The following RARB variants were observed in gnomAD, a reference collection of about 807,000 sequenced individuals.
RARB encodes retinoic acid receptor beta.
RARB carries 17 observed loss-of-function variants against 51.9 expected under a neutral mutation model. The observed-to-expected ratio is 0.33, with a 90% CI of 0.22 to 0.49. The LOEUF (loss-of-function observed/expected upper bound fraction) is 0.49. RARB is among the 20% of genes least tolerant of loss of function. RARB has a pLI of 0.99. For synonymous variants in RARB, 215 were observed against 195.4 expected, an observed-to-expected ratio of 1.10 and a Z score of -0.84; for missense variants, 369 against 550.8, an observed-to-expected ratio of 0.67 and a Z score of 3.30.
chr3:25,076,469 C>A (rs1267106641), intron 3 of RARB, among the ~76,000 whole-genome samples: 1 of 152,196 alleles, frequency 6.6e-6, no homozygotes, highest in Non-Finnish European at 1.5e-5. Context: ...TACTAGAAAT[C>A]TGTGGCTATT....
At chr3:25,329,343 G>C in intron 5 of RARB, among the ~76,000 whole-genome samples, 1 of 152,020 alleles carries the variant, frequency 6.6e-6, no homozygotes, top group East Asian at 1.9e-4. Context: ...GGAAGGATAA[G>C]GCAGCAATAT....
chr3:25,053,117 G>A (rs998988135), intron 2 of RARB, among the ~76,000 whole-genome samples: 1 of 152,130 alleles, frequency 6.6e-6, no homozygotes, highest in Non-Finnish European at 1.5e-5. Flanking sequence ...GTAGGCTGAG[G>A]GGGAGAGATT....
chr3:25,445,501 C>A (rs975864194), intron 1 of RARB, among the ~76,000 whole-genome samples: 1 of 152,018 alleles, frequency 6.6e-6, no homozygotes, highest in Non-Finnish European at 1.5e-5. Flanking sequence ...CCTGTCTATA[C>A]TGAAAATACA....
intron 2 of RARB, among the ~76,000 whole-genome samples, chr3:25,500,451 C>CTTTTTTTTTTTTTTTTTTTTTTTT (rs1553624117): frequency 2.0e-5 from 1 of 49,936 alleles, no homozygotes; most frequent in Admixed American, 2.2e-4. Flanking sequence ...TCTTTCTTTT[C>CTTTTTTTTTTTTTTTTTTTTTTTT]TTGTTTTTTT....
chr3:25,127,189 T>C (rs964444375), intron 3 of RARB, among the ~76,000 whole-genome samples: 21 of 152,038 alleles, frequency 1.4e-4, no homozygotes, highest in African/African-American at 5.1e-4. Flanking sequence ...TCCAATAGCT[T>C]CTCGTTTTCA....
chr3:25,264,138 C>G (rs1703072004), intron 5 of RARB, among the ~76,000 whole-genome samples: 1 of 151,282 alleles, frequency 6.6e-6, no homozygotes, highest in South Asian at 2.1e-4. Context: ...AAGGTTGATT[C>G]TGTTTTATCA....
rs200802744 is a variant in RARB, at chr3:25,291,487, T to C, written c.178+116912T>C. 3.5e-3 allele frequency among the ~76,000 whole-genome samples: 531 copies of C among 151,518 alleles called. 4 individuals carry two copies. The highest frequency in any genetic ancestry group is 0.012 in the African/African-American group (502 of 41,352). On this transcript the variant is annotated intron_variant, in intron 5 of 11. Transcript: ENST00000383772. ...GAGCCAGATGTTTGCTTTTTTTTTT[T>C]TTTTTTTGAACACACACGGCTTGTT...
upstream of RARB, among the ~76,000 whole-genome samples, chr3:25,424,909 A>C (rs1413566536): frequency 1.3e-5 from 2 of 152,232 alleles, no homozygotes; most frequent in Non-Finnish European, 2.9e-5. Context: ...GTAGACCCTG[A>C]ACCCTGGCTA....
chr3:24,935,690 G>A (rs1335460827), intron 2 of RARB, among the ~76,000 whole-genome samples: 1 of 152,152 alleles, frequency 6.6e-6, no homozygotes, highest in Non-Finnish European at 1.5e-5. Flanking sequence ...GAAATCGGTG[G>A]AGTGTTTTCA....
At chr3:25,286,369 T>A (rs528325511) in intron 5 of RARB, among the ~76,000 whole-genome samples, 2 of 152,300 alleles carry the variant, frequency 1.3e-5, no homozygotes, top group South Asian at 4.1e-4. Context: ...ATTACAGGCG[T>A]GAGACACTGT....
Position 25,432,869 on chromosome 3 carries a change from T to C in RARB, c.157+3981T>C, listed in dbSNP as rs559511421. The stretch of plus-strand genomic sequence containing the variant: ...TTACTCTTTGGGCAGAAGATGGAGA[T>C]GTAAAAACCAAGATGCAAAATACAA... On this transcript the variant is annotated intron_variant, in intron 1 of 7. Transcript: ENST00000330688. Among the ~76,000 whole-genome samples the C allele has an allele frequency of 2.0e-5, 3 of 152,254 alleles. 1 individual carries two copies. In the South Asian group the frequency reaches 6.2e-4, roughly 32 times the overall value.
chr3:25,238,708 T>C (rs1291087733), intron 5 of RARB, among the ~76,000 whole-genome samples: 1 of 152,068 alleles, frequency 6.6e-6, no homozygotes, highest in Admixed American at 6.6e-5. Context: ...GTGGGCTGGG[T>C]GCAGTGGCTC....
At chr3:24,916,690 A>G (rs1032031245) in intron 2 of RARB, among the ~76,000 whole-genome samples, 1 of 148,670 alleles carries the variant, frequency 6.7e-6, no homozygotes, top group South Asian at 2.2e-4. Context: ...TTTGGTAAAA[A>G]GTATTGCAGT....
intron 2 of RARB, among the ~76,000 whole-genome samples, chr3:24,859,045 A>G (rs1702688767): frequency 9.6e-6 from 1 of 104,304 alleles, no homozygotes; most frequent in Non-Finnish European, 2.0e-5. Flanking sequence ...TCAAAAAAAA[A>G]AAAAAAAAAA....
chr3:25,045,246 C>T (rs1014397500), intron 2 of RARB, among the ~76,000 whole-genome samples: 11 of 152,046 alleles, frequency 7.2e-5, no homozygotes, highest in African/African-American at 2.4e-4. Flanking sequence ...GAGGAGAGAC[C>T]GAAATGTTGT....
At chr3:24,984,764 C>T (rs997544810) in intron 2 of RARB, among the ~76,000 whole-genome samples, 3 of 36,454 alleles carry the variant, frequency 8.2e-5, no homozygotes, top group African/African-American at 2.9e-4. Context: ...AAAAAAGTTG[C>T]TGTGTTGGGG....
At position 25,461,259 on chromosome 3, in the gene RARB, C is replaced by A. The variant is rs762775186; in HGVS notation, c.224C>A (p.Pro75His). ...VPSPPSPLPP[P>H]RVYKPCFVCQ... The stretch of plus-strand genomic sequence containing the variant: ...AGCCCCCCATCTCCACTTCCTCCCC[C>A]TCGAGTGTACAAACCCTGCTTCGTC... Residue 75 changes from proline (P) to histidine (H), a missense_variant, in exon 2 of 8, where the codon CCT becomes CAT. Around this residue, in one of 9 missense-constraint regions of RARB, gnomAD observed 99 missense variants for 95.1 expected, o/e 1.04. Coordinates refer to ENST00000330688, the MANE Select transcript of RARB (RefSeq NM_000965.5). 3.7e-6 allele frequency: 6 copies of A among 1,614,096 alleles called. No homozygotes were observed. Among genetic ancestry groups the A allele is most frequent in the South Asian group, 2.2e-5 (2 of 91,076 alleles).
At chr3:25,024,624 A>G (rs1157258428) in intron 2 of RARB, among the ~76,000 whole-genome samples, 1 of 152,176 alleles carries the variant, frequency 6.6e-6, no homozygotes, top group Non-Finnish European at 1.5e-5. Context: ...GCCATTAGAC[A>G]GTTTTTTCAG....
intron 4 of RARB, among the ~76,000 whole-genome samples, chr3:25,164,048 G>A (rs1700521630): frequency 6.6e-6 from 1 of 151,746 alleles, no homozygotes. Context: ...GTGTAGGTCA[G>A]GGTTGTGTGG....
Sources: allele counts gnomAD v4.1 joint callset (sites outside exome capture counted in the v4.1 genomes callset), GRCh38; gene constraint gnomAD v4.1.1; regional missense constraint gnomAD v4.1.1; transcripts MANE v1.5; gene names NCBI Gene and HGNC (gene_info 2026-07-23, HGNC 2026-07-21).